Variants in CPVL observed in about 807,000 individuals in gnomAD.
CPVL encodes probable serine carboxypeptidase CPVL.
A neutral mutation model predicts 63.7 loss-of-function variants in CPVL; 51 were observed. That is an observed-to-expected ratio of 0.80 (90% CI 0.64 to 1.01). The LOEUF (loss-of-function observed/expected upper bound fraction) is 1.01. Among genes scored for constraint, CPVL ranks in the 50% least tolerant of loss-of-function variants. CPVL has a pLI of 0.00. For missense variants in CPVL, 530 were observed against 573.1 expected (o/e 0.92, Z 0.77); for synonymous variants, 195 against 206.0 (o/e 0.95, Z 0.46).
At chr7:29,098,431 G>A (rs1388739928) in intron 3 of CPVL, among the ~76,000 whole-genome samples, 1 of 152,218 alleles carries the variant, frequency 6.6e-6, no homozygotes, top group African/African-American at 2.4e-5. Flanking sequence ...CCCCTCCTAT[G>A]AGGCGCCACC....
chr7:29,127,583 A>G (rs934030113), intron 1 of CPVL: 1 of 152,242 alleles, frequency 6.6e-6, no homozygotes, highest in Admixed American at 6.5e-5. Context: ...TGGCACAGTG[A>G]GTATTTTAAA....
Position 29,112,750 on chromosome 7 carries a change from T to C in CPVL, c.242A>G (p.Asn81Ser), listed in dbSNP as rs771212555. 6 of 1,613,886 alleles carry C rather than the reference T, an allele frequency of 3.7e-6. No individual in the cohort carries two copies. Among genetic ancestry groups the C allele is most frequent in the East Asian group, 2.2e-5 (1 of 44,862 alleles). ...GAAGAGGTTGCTGTTGTAAGTCTTA[T>C]TCACGGTGAGGAAGCCGGCATAACT... is the stretch of plus-strand genomic sequence containing the variant. ...MKSYAGFLTV[N>S]KTYNSNLFFW... Residue 81 changes from asparagine (N) to serine (S), a missense_variant, in exon 3 of 13, where the codon AAT (asparagine) becomes AGT (serine). Physicochemically the swap from Asn to Ser is conservative, Grantham distance 46. Coordinates refer to ENST00000265394, the MANE Select transcript of CPVL (RefSeq NM_031311.5).
At chr7:29,093,295 T>TGAGCCCA (rs1335052900) in intron 5 of CPVL, among the ~76,000 whole-genome samples, 1 of 139,360 alleles carries the variant, frequency 7.2e-6, no homozygotes, top group African/African-American at 3.0e-5. Flanking sequence ...AAGAATCACC[T>TGAGCCCA]GAGCCCAGGA....
In CPVL at chr7:29,069,246, C is replaced by G. The variant is rs572097912; in HGVS notation, c.864+2527G>C. 1.0e-3 allele frequency among the ~76,000 whole-genome samples: 156 copies of G among 151,438 alleles called. 1 individual carries two copies. Among genetic ancestry groups the G allele is most frequent in the African/African-American group, 3.6e-3 (150 of 41,394 alleles). On this transcript the variant is annotated intron_variant, in intron 9 of 12. Transcript: ENST00000265394. The stretch of plus-strand genomic sequence containing the variant: ...CTTGAGGTCCGGAGTTTGAGACCAG[C>G]CCAGCCAACACGGTGAAAACCCGTC...
intron 11 of CPVL, among the ~76,000 whole-genome samples, chr7:29,044,008 T>A (rs1789379810): frequency 6.6e-6 from 1 of 152,154 alleles, no homozygotes; most frequent in Non-Finnish European, 1.5e-5. Flanking sequence ...ATGATGATGA[T>A]GATGATGATG....
chr7:28,999,587 A>T (rs558480221), intron 12 of CPVL, among the ~76,000 whole-genome samples: 1 of 152,176 alleles, frequency 6.6e-6, no homozygotes, highest in South Asian at 2.1e-4. Context: ...GCACTCACAC[A>T]CACCTTCCCT....
chr7:29,162,661 C>CAAAA (rs35159645), intron 5 of CPVL, among the ~76,000 whole-genome samples: 1 of 58,352 alleles, frequency 1.7e-5, no homozygotes, highest in Admixed American at 1.5e-4. Flanking sequence ...AACTCCATCT[C>CAAAA]AAAAAAAAAA....
chr7:29,062,231 TG>T lies in CPVL; in HGVS notation c.1137+1829del, dbSNP rs560730876. 7.9e-5 allele frequency among the ~76,000 whole-genome samples: 12 copies of T among 152,298 alleles called. No homozygotes were observed. In the South Asian group the frequency reaches 2.3e-3, roughly 29 times the overall value. ...CATCTGCTCCAGGCTGGTGGTGGTATGGGTGTCAGACTGAGAGTCTGCACGT... is the reference window on the plus strand; with the variant it reads ...CATCTGCTCCAGGCTGGTGGTGGTATGGTGTCAGACTGAGAGTCTGCACGT... On this transcript the variant is annotated intron_variant, in intron 11 of 12. Transcript: ENST00000265394.
At position 29,030,629 on chromosome 7, in the gene CPVL, T is replaced by A; in HGVS notation, c.1268A>T (p.Lys423Ile). 1 of 1,613,994 alleles carries A rather than the reference T, an allele frequency of 6.2e-7. No homozygotes were observed. The highest frequency in any genetic ancestry group is 8.5e-7 in the Non-Finnish European group (1 of 1,179,948). ...GTAACCAGCCACTTCACTGTCAGAT[T>A]TAAAGATCTTCCAAACTTTTTTTTC... is the stretch of plus-strand genomic sequence containing the variant. Reference protein sequence around the residue: ...KAEKKVWKIFKSDSEVAGYIR... With the variant: ...KAEKKVWKIFISDSEVAGYIR... Residue 423 changes from lysine (K) to isoleucine (I), a missense_variant, in exon 12 of 13, where the codon AAA becomes ATA. By Grantham distance (102) the Lys-to-Ile change is moderately radical. Transcript: ENST00000265394.
At chr7:29,001,851 A>C (rs1784675918) in intron 12 of CPVL, among the ~76,000 whole-genome samples, 1 of 152,234 alleles carries the variant, frequency 6.6e-6, no homozygotes, top group Admixed American at 6.5e-5. Context: ...AATCAGTTGC[A>C]ACAATACTGT....
At chr7:29,020,089 T>A (rs1786808603) in intron 12 of CPVL, among the ~76,000 whole-genome samples, 1 of 152,172 alleles carries the variant, frequency 6.6e-6, no homozygotes, top group South Asian at 2.1e-4. Flanking sequence ...GTGGGACTTG[T>A]CGCCCTGAAG....
chr7:29,074,172 A>G (rs1343517141), intron 7 of CPVL, among the ~76,000 whole-genome samples: 1 of 152,224 alleles, frequency 6.6e-6, no homozygotes, highest in Non-Finnish European at 1.5e-5. Context: ...ACTCCTTCCA[A>G]GCAATGATAA....
At chr7:29,070,931 C>T (rs932039513) in intron 9 of CPVL, among the ~76,000 whole-genome samples, 1 of 152,136 alleles carries the variant, frequency 6.6e-6, no homozygotes, top group African/African-American at 2.4e-5. Flanking sequence ...ATAACAATAA[C>T]GACATTAGAT....
At chr7:29,147,098 A>G, upstream of CPVL, 1 of 1,213,204 alleles carries the variant, frequency 8.2e-7, no homozygotes, top group South Asian at 1.5e-5. Flanking sequence ...GAGGTTAAGT[A>G]ACCCATCCAG....
intron 7 of CPVL, among the ~76,000 whole-genome samples, chr7:29,075,643 T>C (rs910159117): frequency 6.6e-6 from 1 of 152,060 alleles, no homozygotes; most frequent in East Asian, 1.9e-4. Context: ...AAGCTGATCA[T>C]TTATGAAAAA....
At chr7:29,009,896 T>G (rs536349787) in intron 12 of CPVL, 16 of 152,320 alleles carry the variant, frequency 1.1e-4, no homozygotes, top group Admixed American at 9.8e-4. Flanking sequence ...TTCTTTGGTA[T>G]GTATTCAATT....
chr7:29,128,355 G>A (rs1790293652), intron 1 of CPVL, among the ~76,000 whole-genome samples: 1 of 151,990 alleles, frequency 6.6e-6, no homozygotes, highest in Admixed American at 6.6e-5. Context: ...TCCCTCCCAG[G>A]GACAGCTATC....
At chr7:29,148,317 C>G (rs1793062053), upstream of CPVL, among the ~76,000 whole-genome samples, 1 of 152,194 alleles carries the variant, frequency 6.6e-6, no homozygotes, top group African/African-American at 2.4e-5. Context: ...ACAGTAAACA[C>G]AGGAGGAGCC....
intron 2 of CPVL, among the ~76,000 whole-genome samples, chr7:29,118,995 A>G (rs914621215): frequency 6.6e-6 from 1 of 152,082 alleles, no homozygotes; most frequent in African/African-American, 2.4e-5. Flanking sequence ...CAGCAAACAA[A>G]CATTCTCTCC....
Sources: allele counts gnomAD v4.1 joint callset (sites outside exome capture counted in the v4.1 genomes callset), GRCh38; gene constraint gnomAD v4.1.1; transcripts MANE v1.5; gene names NCBI Gene and HGNC (gene_info 2026-07-23, HGNC 2026-07-21).